MAGI1: variants seen among roughly 807,000 people sequenced by gnomAD.
MAGI1 encodes membrane associated guanylate kinase, WW and PDZ domain containing 1.
Under a neutral mutation model 139.9 loss-of-function variants are expected in MAGI1, and 58 were observed. The observed-to-expected ratio is 0.41, with a 90% CI of 0.34 to 0.52. MAGI1 has a LOEUF of 0.52. Among genes scored for constraint, MAGI1 ranks in the 20% least tolerant of loss-of-function variants. The pLI, the probability that MAGI1 is intolerant of heterozygous loss-of-function variation, is 0.12. For synonymous variants in MAGI1, 812 were observed against 737.9 expected (o/e 1.10, Z -1.63); for missense variants, 1,874 against 1,901.6 (o/e 0.99, Z 0.27).
intron 1 of MAGI1, among the ~76,000 whole-genome samples, chr3:65,902,135 T>C (rs1284421252): frequency 1.3e-5 from 2 of 152,174 alleles, no homozygotes; most frequent in Non-Finnish European, 2.9e-5. Flanking sequence ...TTTGCTTATG[T>C]TTACTAAACA....
At position 65,869,652 on chromosome 3, in the gene MAGI1, G is replaced by A. The variant is rs964345959; in HGVS notation, c.313+168344C>T. 7.2e-5 allele frequency among the ~76,000 whole-genome samples: 11 copies of A among 151,956 alleles called. 1 individual carries two copies. The South Asian group carries it at 1.0e-3, about 14-fold the overall frequency. On this transcript the variant is annotated intron_variant, in intron 1 of 22. Coordinates refer to ENST00000402939, the MANE Select transcript of MAGI1 (RefSeq NM_001033057.2). ...CCTGACTTTGTGATCCGCCCACCTC[G>A]GCCTCCCAAAGTGCTGGAATTACAG...
At chr3:65,775,737 T>C (rs1373243652) in intron 1 of MAGI1, among the ~76,000 whole-genome samples, 1 of 151,474 alleles carries the variant, frequency 6.6e-6, no homozygotes, top group African/African-American at 2.4e-5. Context: ...GCCCCAGGAG[T>C]TCAAGACCAG....
chr3:65,670,064 C>T (rs1156273678), intron 1 of MAGI1, among the ~76,000 whole-genome samples: 1 of 152,176 alleles, frequency 6.6e-6, no homozygotes, highest in South Asian at 2.1e-4. Flanking sequence ...GATTTCACCA[C>T]AAATTTGATA....
intron 1 of MAGI1, among the ~76,000 whole-genome samples, chr3:65,907,111 C>T (rs1033232081): frequency 6.6e-5 from 10 of 151,312 alleles, no homozygotes; most frequent in African/African-American, 2.4e-4. Flanking sequence ...AAAGAAATGG[C>T]TCGATGACAA....
chr3:65,856,860 T>C (rs923629594), intron 1 of MAGI1, among the ~76,000 whole-genome samples: 3 of 152,160 alleles, frequency 2.0e-5, no homozygotes, highest in Admixed American at 1.3e-4. Context: ...CTGGGCATGC[T>C]CAAGTTCATG....
At chr3:65,575,482 G>C (rs1372513920) in intron 2 of MAGI1, among the ~76,000 whole-genome samples, 1 of 152,124 alleles carries the variant, frequency 6.6e-6, no homozygotes, top group Non-Finnish European at 1.5e-5. Flanking sequence ...TTCTTAAAAA[G>C]AGAGATGACC....
chr3:65,925,676 C>G (rs958956826), intron 1 of MAGI1, among the ~76,000 whole-genome samples: 11 of 93,838 alleles, frequency 1.2e-4, no homozygotes, highest in Non-Finnish European at 2.1e-4. Flanking sequence ...CTTAACCATC[C>G]TTAATGGACT....
chr3:65,474,993 G>A (rs1950796496), intron 4 of MAGI1, among the ~76,000 whole-genome samples: 1 of 151,904 alleles, frequency 6.6e-6, no homozygotes, highest in African/African-American at 2.4e-5. Flanking sequence ...AGAAACATTA[G>A]CTCTTATAGA....
chr3:65,837,794 G>C (rs2058675863), intron 1 of MAGI1, among the ~76,000 whole-genome samples: 1 of 152,086 alleles, frequency 6.6e-6, no homozygotes, highest in South Asian at 2.1e-4. Flanking sequence ...TTTTTAGCTA[G>C]TTCCTAAAAG....
chr3:65,663,273 A>T (rs952882182), intron 1 of MAGI1, among the ~76,000 whole-genome samples: 1 of 152,180 alleles, frequency 6.6e-6, no homozygotes, highest in African/African-American at 2.4e-5. Flanking sequence ...AAGGATATTT[A>T]TGTATATTTA....
chr3:65,502,018 G>T (rs763713354), intron 2 of MAGI1, among the ~76,000 whole-genome samples: 1 of 152,202 alleles, frequency 6.6e-6, no homozygotes, highest in Non-Finnish European at 1.5e-5. Context: ...GTGGTTACCA[G>T]CTATGTAGGG....
chr3:65,827,037 A>C (rs2042266091), intron 1 of MAGI1, among the ~76,000 whole-genome samples: 1 of 152,206 alleles, frequency 6.6e-6, no homozygotes, highest in Admixed American at 6.5e-5. Flanking sequence ...TTCTCAAAGA[A>C]GTTCAGCATC....
chr3:65,511,416 C>T (rs1242660981), intron 2 of MAGI1, among the ~76,000 whole-genome samples: 13 of 135,586 alleles, frequency 9.6e-5, no homozygotes, highest in African/African-American at 2.9e-4. Flanking sequence ...ACCCATCTCA[C>T]GTGCAGAGAC....
chr3:65,404,431 AT>A, intron 12 of MAGI1, among the ~76,000 whole-genome samples: 1 of 152,236 alleles, frequency 6.6e-6, no homozygotes, highest in Admixed American at 6.5e-5. Context: ...TTAAAGAGGC[AT>A]TTGTTCCTCT....
chr3:65,460,691 C>T (rs1032399799), intron 5 of MAGI1, among the ~76,000 whole-genome samples: 4 of 147,778 alleles, frequency 2.7e-5, no homozygotes, highest in African/African-American at 9.8e-5. Flanking sequence ...TGCTGTGCCT[C>T]CCCTTACCCA....
intron 1 of MAGI1, among the ~76,000 whole-genome samples, chr3:65,811,227 G>T (rs548953969): frequency 8.5e-5 from 13 of 152,308 alleles, no homozygotes; most frequent in South Asian, 2.1e-4. Context: ...AGCACCTATT[G>T]TGATAGCAAC....
chr3:65,920,985 C>T (rs1267121241), intron 1 of MAGI1, among the ~76,000 whole-genome samples: 6 of 151,772 alleles, frequency 4.0e-5, no homozygotes, highest in Admixed American at 6.6e-5. Context: ...GCCGAGATCA[C>T]GCCACTGCAC....
chr3:65,610,283 C>A (rs1027084295), intron 2 of MAGI1, among the ~76,000 whole-genome samples: 2 of 151,986 alleles, frequency 1.3e-5, no homozygotes, highest in East Asian at 1.9e-4. Context: ...GAACATCAAA[C>A]AAAAAAGTTA....
At chr3:65,490,771 G>C (rs1395516959) in intron 3 of MAGI1, among the ~76,000 whole-genome samples, 1 of 150,942 alleles carries the variant, frequency 6.6e-6, no homozygotes, top group Non-Finnish European at 1.5e-5. Context: ...TTGAACATGG[G>C]AGGGGGAGGG....
Sources: gnomAD v4.1 joint callset for allele counts (sites outside exome capture counted in the v4.1 genomes callset) on GRCh38, gnomAD v4.1.1 for gene constraint, MANE v1.5 for transcripts, NCBI Gene and HGNC (gene_info 2026-07-23, HGNC 2026-07-21) for gene names.